The following FHOD3 variants were observed in gnomAD, a reference collection of about 807,000 sequenced individuals.
FHOD3 encodes formin homology 2 domain containing 3, also known as FH1/FH2 domain-containing protein 3.
A neutral mutation model predicts 173.0 loss-of-function variants in FHOD3; 90 were observed. The ratio of observed to expected loss-of-function variants is 0.52; its 90% CI spans 0.44 to 0.62. FHOD3 has a LOEUF of 0.62. Among genes scored for constraint, FHOD3 ranks in the 20% least tolerant of loss-of-function variants. FHOD3 has a pLI of 0.00. For missense variants in FHOD3, 1,945 were observed against 2,034.7 expected (o/e 0.96, Z 0.85); for synonymous variants, 828 against 823.0 (o/e 1.01, Z -0.10).
chr18:36,307,183 C>T (rs1416159582), intron 1 of FHOD3, among the ~76,000 whole-genome samples: 3 of 152,058 alleles, frequency 2.0e-5, no homozygotes, highest in Non-Finnish European at 4.4e-5. Context: ...AGGGTGGTCT[C>T]GAATTCCTGA....
chr18:36,396,203 T>C (rs2048548526), intron 3 of FHOD3, among the ~76,000 whole-genome samples: 1 of 152,244 alleles, frequency 6.6e-6, no homozygotes, highest in Non-Finnish European at 1.5e-5. Context: ...GTAATTAGAC[T>C]GTGTCTTGGT....
chr18:36,497,230 G>A (rs2054792556), intron 3 of FHOD3, among the ~76,000 whole-genome samples: 2 of 152,200 alleles, frequency 1.3e-5, no homozygotes, highest in Non-Finnish European at 1.5e-5. Context: ...ATTAGAAATT[G>A]TAGTTTATTT....
intron 16 of FHOD3, among the ~76,000 whole-genome samples, chr18:36,688,772 T>C (rs2038784700): frequency 6.6e-6 from 1 of 152,234 alleles, no homozygotes; most frequent in Non-Finnish European, 1.5e-5. Context: ...GTTTAAGTGC[T>C]GTGTCAAGAT....
intron 3 of FHOD3, among the ~76,000 whole-genome samples, chr18:36,440,373 G>T (rs530354011): frequency 6.6e-6 from 1 of 152,362 alleles, no homozygotes; most frequent in Non-Finnish European, 1.5e-5. Flanking sequence ...GACAGAGGAT[G>T]TGGCTGCTGA....
intron 19 of FHOD3, among the ~76,000 whole-genome samples, chr18:36,724,470 G>A (rs1254533072): frequency 2.0e-5 from 3 of 152,186 alleles, no homozygotes; most frequent in Non-Finnish European, 4.4e-5. Context: ...GACAGTCGCT[G>A]CCTCCCCTTC....
rs968623286 is a variant in FHOD3 at position 36,659,458 on chromosome 18, A to G, written c.1835+1270A>G. ...GCTGAAGTTACCTGTAGTCCTGAAA[A>G]GGTCACCATACAGATGACCCTTGTC... On this transcript the variant is annotated intron_variant, in intron 14 of 28. Transcript: ENST00000590592. Among the ~76,000 whole-genome samples, 6 of 152,312 alleles carry G rather than the reference A, an allele frequency of 3.9e-5. No homozygotes were observed. The East Asian group carries it at 9.7e-4, about 25-fold the overall frequency.
At chr18:36,455,352 T>C (rs1463423087) in intron 3 of FHOD3, among the ~76,000 whole-genome samples, 2 of 152,186 alleles carry the variant, frequency 1.3e-5, no homozygotes, top group African/African-American at 4.8e-5. Context: ...ATCAATAAAA[T>C]AGTTAAATGT....
intron 6 of FHOD3, among the ~76,000 whole-genome samples, chr18:36,580,409 G>A (rs2058806498): frequency 6.6e-6 from 1 of 152,228 alleles, no homozygotes; most frequent in Admixed American, 6.5e-5. Context: ...ACAAGAGAGT[G>A]GAGCCAAGAG....
chr18:36,370,372 G>C (rs2047122598), intron 2 of FHOD3, among the ~76,000 whole-genome samples: 1 of 151,746 alleles, frequency 6.6e-6, no homozygotes, highest in Non-Finnish European at 1.5e-5. Context: ...TTAGGGTTTA[G>C]CTTAACAAAC....
At chr18:36,767,910 T>G (rs2043209633) in intron 27 of FHOD3, among the ~76,000 whole-genome samples, 1 of 152,184 alleles carries the variant, frequency 6.6e-6, no homozygotes, top group Non-Finnish European at 1.5e-5. Context: ...CTATTTTTTC[T>G]TGGTTCATTC....
At chr18:36,668,342 A>G (rs377087624) in intron 14 of FHOD3, among the ~76,000 whole-genome samples, 9 of 151,956 alleles carry the variant, frequency 5.9e-5, no homozygotes, top group African/African-American at 1.7e-4. Flanking sequence ...TATTTTTTTT[A>G]GTATCTGTAA....
chr18:36,775,651 G>A (rs1177086853), intron 28 of FHOD3, among the ~76,000 whole-genome samples: 1 of 152,184 alleles, frequency 6.6e-6, no homozygotes, highest in African/African-American at 2.4e-5. Context: ...AGTCACCTGT[G>A]AGCCCTTTGT....
chr18:36,507,056 C>T (rs979219193), intron 4 of FHOD3, among the ~76,000 whole-genome samples: 3 of 152,162 alleles, frequency 2.0e-5, no homozygotes, highest in African/African-American at 7.2e-5. Context: ...TACTTAGTTA[C>T]CTGGAACATG....
chr18:36,403,988 A>G (rs2048942661), intron 3 of FHOD3, among the ~76,000 whole-genome samples: 1 of 152,230 alleles, frequency 6.6e-6, no homozygotes, highest in South Asian at 2.1e-4. Context: ...TTGTGGGATC[A>G]TATTTCTACC....
At chr18:36,416,024 A>G (rs1324154487) in intron 3 of FHOD3, among the ~76,000 whole-genome samples, 2 of 152,112 alleles carry the variant, frequency 1.3e-5, no homozygotes, top group Non-Finnish European at 2.9e-5. Context: ...TATCATATAC[A>G]TAGGTGTCAT....
intron 24 of FHOD3, among the ~76,000 whole-genome samples, chr18:36,747,505 TCC>T (rs2042205146): frequency 6.6e-6 from 1 of 152,218 alleles, no homozygotes; most frequent in Non-Finnish European, 1.5e-5. Flanking sequence ...TTAGAAAAGT[TCC>T]TCCTTTACCT....
At chr18:36,369,179 G>A (rs1219676121) in intron 2 of FHOD3, among the ~76,000 whole-genome samples, 1 of 152,062 alleles carries the variant, frequency 6.6e-6, no homozygotes, top group Non-Finnish European at 1.5e-5. Flanking sequence ...AGGAAGAAAA[G>A]GGTGTATTTA....
chr18:36,648,132 G>A (rs920999861), intron 10 of FHOD3, among the ~76,000 whole-genome samples: 1 of 151,668 alleles, frequency 6.6e-6, no homozygotes, highest in Non-Finnish European at 1.5e-5. Context: ...AGAAAGTAGA[G>A]GATGCACATG....
intron 3 of FHOD3, among the ~76,000 whole-genome samples, chr18:36,416,907 G>T (rs1042441221): frequency 5.3e-5 from 8 of 152,082 alleles, no homozygotes; most frequent in African/African-American, 1.9e-4. Flanking sequence ...AAAGCCAGAG[G>T]CATCTATTTC....
Sources: gnomAD v4.1 joint callset for allele counts (sites outside exome capture counted in the v4.1 genomes callset) on GRCh38, gnomAD v4.1.1 for gene constraint, MANE v1.5 for transcripts, NCBI Gene and HGNC (gene_info 2026-07-23, HGNC 2026-07-21) for gene names.